The following MDGA2 variants were observed in gnomAD, a reference collection of about 807,000 sequenced individuals.
MDGA2 encodes the protein MAM domain-containing glycosylphosphatidylinositol anchor protein 2.
In MDGA2, 40 loss-of-function variants were observed where a neutral mutation model predicts 117.8. The observed-to-expected ratio is 0.34, with a 90% CI of 0.26 to 0.44. The LOEUF (loss-of-function observed/expected upper bound fraction) is 0.44, where lower values mean the gene tolerates loss of function less well. MDGA2 is among the 20% of genes least tolerant of loss of function. MDGA2 has a pLI of 1.00. For missense variants in MDGA2, 1,123 were observed against 1,250.6 expected (o/e 0.90, Z 1.54); for synonymous variants, 452 against 439.0 (o/e 1.03, Z -0.37).
chr14:47,576,748 C>T (rs974205110), intron 1 of MDGA2, among the ~76,000 whole-genome samples: 4 of 152,262 alleles, frequency 2.6e-5, no homozygotes, highest in Admixed American at 2.0e-4. Context: ...TTTTCTATCT[C>T]TAGTCTGTGC....
chr14:47,478,707 C>G (rs369602558), intron 1 of MDGA2, among the ~76,000 whole-genome samples: 41 of 152,244 alleles, frequency 2.7e-4, no homozygotes, highest in Middle Eastern at 6.8e-3. Flanking sequence ...TTTTAATATA[C>G]AAGAGCAGTA....
chr14:47,201,573 T>C (rs1322130598), intron 3 of MDGA2, among the ~76,000 whole-genome samples: 1 of 152,204 alleles, frequency 6.6e-6, no homozygotes, highest in Non-Finnish European at 1.5e-5. Flanking sequence ...GTCTCAAATA[T>C]GTAGAATTCT....
rs567042357 is a variant in MDGA2, at chr14:47,106,938, C to A, written c.926-9815G>T. 5.7e-3 allele frequency among the ~76,000 whole-genome samples: 707 copies of A among 124,304 alleles called. 7 individuals carry two copies. The highest frequency in any genetic ancestry group is 0.022 in the African/African-American group (650 of 29,944). The allele number at this position is 124,304 out of a possible 152,430, so 81.5% of individuals were successfully genotyped here. On this transcript the variant is annotated intron_variant, in intron 5 of 16. Transcript: ENST00000399232. ...TAGTTATCCCCACCTGCCCAGTTCC[C>A]TTATTAGGCCGAGACACTTTAACTA...
At chr14:46,897,328 A>T (rs1374726982) in intron 10 of MDGA2, among the ~76,000 whole-genome samples, 6 of 152,126 alleles carry the variant, frequency 3.9e-5, no homozygotes, top group Non-Finnish European at 8.8e-5. Flanking sequence ...ATGTTTTTTA[A>T]TTATCAAAGA....
chr14:47,230,016 T>G (rs1319935633), intron 2 of MDGA2, among the ~76,000 whole-genome samples: 1 of 152,050 alleles, frequency 6.6e-6, no homozygotes, highest in African/African-American at 2.4e-5. Context: ...CATTTCCATC[T>G]TTCCTTAAAA....
chr14:47,658,677 C>T (rs2138286124), intron 1 of MDGA2, among the ~76,000 whole-genome samples: 1 of 152,282 alleles, frequency 6.6e-6, no homozygotes, highest in East Asian at 1.9e-4. Flanking sequence ...AAGACATCCA[C>T]TCTCCCAACT....
At chr14:47,534,174 T>C (rs1468178775) in intron 1 of MDGA2, among the ~76,000 whole-genome samples, 1 of 152,096 alleles carries the variant, frequency 6.6e-6, no homozygotes, top group Non-Finnish European at 1.5e-5. Context: ...TGCTTTAAAA[T>C]AGGGGAAACA....
At chr14:47,075,928 A>T (rs1378879278) in intron 6 of MDGA2, among the ~76,000 whole-genome samples, 4 of 152,120 alleles carry the variant, frequency 2.6e-5, no homozygotes, top group Admixed American at 6.5e-5. Flanking sequence ...TCCTCCTATT[A>T]AACTATTCTC....
intron 8 of MDGA2, among the ~76,000 whole-genome samples, chr14:46,973,865 C>T (rs1264073924): frequency 6.6e-6 from 1 of 151,044 alleles, no homozygotes; most frequent in Non-Finnish European, 1.5e-5. Context: ...AATCAACATA[C>T]TAAATCAGTT....
intron 7 of MDGA2, among the ~76,000 whole-genome samples, chr14:47,048,198 T>C (rs1255822553): frequency 1.3e-5 from 2 of 152,078 alleles, no homozygotes; most frequent in Admixed American, 6.6e-5. Flanking sequence ...GGTCAGGGTG[T>C]TGCCATGAAA....
At chr14:47,394,458 A>T (rs1891964306) in intron 1 of MDGA2, among the ~76,000 whole-genome samples, 1 of 152,176 alleles carries the variant, frequency 6.6e-6, no homozygotes, top group South Asian at 2.1e-4. Context: ...TAGCAATTTA[A>T]CCATATCAGA....
chr14:46,986,822 A>G (rs988343281), intron 8 of MDGA2, among the ~76,000 whole-genome samples: 2 of 152,088 alleles, frequency 1.3e-5, no homozygotes, highest in Non-Finnish European at 1.5e-5. Context: ...TTTTAGCATA[A>G]CCTGCCAAGT....
intron 1 of MDGA2, among the ~76,000 whole-genome samples, chr14:47,391,952 T>C (rs1400711954): frequency 1.3e-5 from 2 of 152,126 alleles, no homozygotes; most frequent in Non-Finnish European, 1.5e-5. Context: ...CTCAAACAAA[T>C]AGAGGGCTAA....
chr14:47,143,238 A>G (rs1438611399), intron 4 of MDGA2, among the ~76,000 whole-genome samples: 1 of 152,154 alleles, frequency 6.6e-6, no homozygotes, highest in East Asian at 1.9e-4. Context: ...CAGCCTCCCA[A>G]AATGCTGAGA....
chr14:46,857,082 C>G (rs894230120), intron 14 of MDGA2, among the ~76,000 whole-genome samples: 1 of 152,130 alleles, frequency 6.6e-6, no homozygotes, highest in Non-Finnish European at 1.5e-5. Flanking sequence ...TCAAATATAT[C>G]TTTTACTTTT....
chr14:47,525,268 A>C (rs538232067), intron 1 of MDGA2, among the ~76,000 whole-genome samples: 3 of 152,034 alleles, frequency 2.0e-5, no homozygotes, highest in Non-Finnish European at 4.4e-5. Flanking sequence ...TCACTTTTTT[A>C]TGGTTTTCTG....
intron 3 of MDGA2, among the ~76,000 whole-genome samples, chr14:47,179,386 A>C (rs1277125472): frequency 6.6e-6 from 1 of 152,042 alleles, no homozygotes; most frequent in Admixed American, 6.6e-5. Flanking sequence ...TTAATATTTA[A>C]GGTCAAACAT....
At chr14:47,547,020 A>C (rs1041447955) in intron 1 of MDGA2, among the ~76,000 whole-genome samples, 3 of 152,178 alleles carry the variant, frequency 2.0e-5, no homozygotes, top group Admixed American at 1.3e-4. Context: ...TTTTAAAAAA[A>C]ATTATCCCCA....
chr14:47,523,349 A>G (rs923144852), intron 1 of MDGA2, among the ~76,000 whole-genome samples: 1 of 152,220 alleles, frequency 6.6e-6, no homozygotes, highest in African/African-American at 2.4e-5. Flanking sequence ...GAGGTTAAAT[A>G]CAATTTAATT....
Sources: allele counts gnomAD v4.1 joint callset (sites outside exome capture counted in the v4.1 genomes callset), GRCh38; gene constraint gnomAD v4.1.1; transcripts MANE v1.5; gene names NCBI Gene and HGNC (gene_info 2026-07-23, HGNC 2026-07-21).